The following WWOX variants were observed in gnomAD, a reference collection of about 807,000 sequenced individuals.
WWOX encodes WW domain-containing oxidoreductase.
Under a neutral mutation model 46.2 loss-of-function variants are expected in WWOX, and 69 were observed. The observed-to-expected ratio is 1.49, with a 90% CI of 1.23 to 1.82. WWOX has a LOEUF of 1.82. WWOX is among the 40% of genes most tolerant of loss of function. The pLI is 0.00. For synonymous variants in WWOX, 359 were observed against 202.6 expected, an observed-to-expected ratio of 1.77 and a Z score of -6.56; for missense variants, 919 against 542.6, an observed-to-expected ratio of 1.69 and a Z score of -6.89.
chr16:78,483,532 T>C (rs996785642), intron 8 of WWOX, among the ~76,000 whole-genome samples: 4 of 151,944 alleles, frequency 2.6e-5, no homozygotes, highest in African/African-American at 4.8e-5. Context: ...TGCTAGCTGA[T>C]TGCCAACAGA....
intron 6 of WWOX, among the ~76,000 whole-genome samples, chr16:78,417,665 A>G (rs957046479): frequency 6.6e-6 from 1 of 152,142 alleles, no homozygotes; most frequent in African/African-American, 2.4e-5. Context: ...TTACTACAAT[A>G]TATGAATTAT....
chr16:78,990,906 C>T (rs1567465277), intron 8 of WWOX, among the ~76,000 whole-genome samples: 1 of 152,184 alleles, frequency 6.6e-6, no homozygotes, highest in Non-Finnish European at 1.5e-5. Flanking sequence ...AGTGATTTTT[C>T]CCTTAAGAGA....
intron 5 of WWOX, among the ~76,000 whole-genome samples, chr16:78,210,797 A>T (rs1474914798): frequency 6.6e-6 from 1 of 152,246 alleles, no homozygotes; most frequent in Non-Finnish European, 1.5e-5. Flanking sequence ...CTACCCAGTT[A>T]TAATTCTCCA....
At chr16:78,724,380 T>C (rs530426990) in intron 8 of WWOX, among the ~76,000 whole-genome samples, 1 of 152,318 alleles carries the variant, frequency 6.6e-6, no homozygotes, top group East Asian at 1.9e-4. Flanking sequence ...TAAAATATTT[T>C]TTTTCCTTCA....
chr16:78,969,213 G>A (rs1360119920), intron 8 of WWOX, among the ~76,000 whole-genome samples: 1 of 151,842 alleles, frequency 6.6e-6, no homozygotes, highest in Non-Finnish European at 1.5e-5. Context: ...GCTACCTCAG[G>A]GGACAAAGTC....
intron 8 of WWOX, among the ~76,000 whole-genome samples, chr16:79,105,098 G>T (rs562285754): frequency 6.6e-6 from 1 of 152,242 alleles, no homozygotes; most frequent in South Asian, 2.1e-4. Flanking sequence ...CAGGGACGCA[G>T]CCCCTCACCT....
chr16:79,083,167 T>A (rs1022446935), intron 8 of WWOX, among the ~76,000 whole-genome samples: 1 of 152,200 alleles, frequency 6.6e-6, no homozygotes, highest in Non-Finnish European at 1.5e-5. Context: ...TCCCTAACAC[T>A]GCGGTTCCCC....
chr16:78,898,152 C>T lies in WWOX; in HGVS notation c.1057-313456C>T, dbSNP rs958500152. ...TTTTGAAAAGCAGAAGTTATAAATA[C>T]TGATAGTGTCCAATTTATCTTTTTC... On this transcript the variant is annotated intron_variant, in intron 8 of 8. Coordinates refer to ENST00000566780, the MANE Select transcript of WWOX (RefSeq NM_016373.4). The T allele has an allele frequency of 2.6e-5, 4 of 151,882 alleles. No homozygotes were observed. In the South Asian group the frequency reaches 8.3e-4, roughly 32 times the overall value. The allele number at this position is 151,882 out of a possible 1,614,324, so 9.4% of individuals were successfully genotyped here. A position where few individuals can be genotyped will look rare whatever the true frequency, so the allele number is the denominator to read the frequency against.
intron 8 of WWOX, among the ~76,000 whole-genome samples, chr16:79,018,141 A>T (rs2047454733): frequency 6.6e-6 from 1 of 152,146 alleles, no homozygotes; most frequent in Admixed American, 6.5e-5. Context: ...GGCCTTCAAG[A>T]ATCTTCCGGT....
At chr16:79,068,267 G>A (rs956215351) in intron 8 of WWOX, among the ~76,000 whole-genome samples, 1 of 152,184 alleles carries the variant, frequency 6.6e-6, no homozygotes, top group African/African-American at 2.4e-5. Context: ...ACTGTGTCAA[G>A]CACTTCCCAT....
chr16:78,694,202 A>G (rs117664279), intron 8 of WWOX, among the ~76,000 whole-genome samples: 1,939 of 152,244 alleles, frequency 0.013, 17 homozygotes, highest in South Asian at 0.035. Flanking sequence ...AACAGAGAGA[A>G]ACTGTGTCTC....
intron 4 of WWOX, among the ~76,000 whole-genome samples, chr16:78,160,796 A>C (rs2034768117): frequency 6.6e-6 from 1 of 152,114 alleles, no homozygotes. Flanking sequence ...AATTATTTTC[A>C]GTTTATCAAT....
intron 8 of WWOX, among the ~76,000 whole-genome samples, chr16:79,024,345 A>T (rs1353110959): frequency 6.6e-6 from 1 of 152,164 alleles, no homozygotes; most frequent in Non-Finnish European, 1.5e-5. Context: ...TGCAGCCTCA[A>T]ACTCCTAAGG....
chr16:78,706,063 T>TTG (rs971707529), intron 8 of WWOX, among the ~76,000 whole-genome samples: 2 of 149,978 alleles, frequency 1.3e-5, no homozygotes, highest in African/African-American at 4.9e-5. Context: ...GGCAGGTTTT[T>TTG]TTTTTTTTTT....
At chr16:79,143,826 C>G (rs2050135074) in intron 8 of WWOX, among the ~76,000 whole-genome samples, 1 of 152,080 alleles carries the variant, frequency 6.6e-6, no homozygotes, top group Non-Finnish European at 1.5e-5. Flanking sequence ...AGCCAATATT[C>G]CAGTCTCGAT....
At chr16:79,063,445 C>G (rs1350670818) in intron 8 of WWOX, among the ~76,000 whole-genome samples, 2 of 152,188 alleles carry the variant, frequency 1.3e-5, no homozygotes, top group South Asian at 2.1e-4. Context: ...TATAAACTAA[C>G]TTGGTCTCTG....
chr16:78,745,832 T>A (rs2049335467), intron 8 of WWOX, among the ~76,000 whole-genome samples: 1 of 151,864 alleles, frequency 6.6e-6, no homozygotes, highest in Admixed American at 6.6e-5. Context: ...AGTTTACAGA[T>A]AAAATGGTTG....
intron 8 of WWOX, among the ~76,000 whole-genome samples, chr16:78,921,645 A>G (rs901713721): frequency 6.6e-6 from 1 of 152,220 alleles, no homozygotes; most frequent in Admixed American, 6.5e-5. Flanking sequence ...CCTACAGGTC[A>G]TGGAGGTAAG....
chr16:78,804,809 G>GA lies in WWOX; in HGVS notation c.1056+372066dup, dbSNP rs1026115468. ...AAAATTCACAGCCATCAATAGAAAA[G>GA]AAAAAAAAATCCTGTTTATACCTTA... On this transcript the variant is annotated intron_variant, in intron 8 of 8. Coordinates refer to ENST00000566780, the MANE Select transcript of WWOX (RefSeq NM_016373.4). Among the ~76,000 whole-genome samples, 8 of 151,336 alleles carry GA rather than the reference G, an allele frequency of 5.3e-5. No homozygotes were observed. The East Asian group carries it at 5.8e-4, about 11-fold the overall frequency.
Sources: gnomAD v4.1 joint callset for allele counts (sites outside exome capture counted in the v4.1 genomes callset) on GRCh38, gnomAD v4.1.1 for gene constraint, MANE v1.5 for transcripts, NCBI Gene and HGNC (gene_info 2026-07-23, HGNC 2026-07-21) for gene names.